Variants in LSM5 observed in about 807,000 individuals in gnomAD.
LSM5 encodes the protein LSM5 homolog, U6 small nuclear RNA and mRNA degradation associated, also known as U6 snRNA-associated Sm-like protein LSm5.
Under a neutral mutation model 13.8 loss-of-function variants are expected in LSM5, and 8 were observed. That is an observed-to-expected ratio of 0.58 (90% CI 0.34 to 1.04). The LOEUF (loss-of-function observed/expected upper bound fraction) is 1.04, where lower values mean the gene tolerates loss of function less well. LSM5 is among the 50% of genes least tolerant of loss of function. The pLI is 0.03. For synonymous variants in LSM5, 35 were observed against 37.0 expected (o/e 0.95, Z 0.20); for missense variants, 80 against 108.1 (o/e 0.74, Z 1.15).
upstream of LSM5, chr7:32,490,573 G>C (rs1786562427): frequency 5.0e-6 from 3 of 598,272 alleles, no homozygotes; most frequent in Non-Finnish European, 9.2e-6. Flanking sequence ...TTACCATCTC[G>C]GCAGATACCC....
At chr7:32,489,473 T>C (rs1786522712) in intron 1 of LSM5, 129 bp from the exon 2 acceptor site, 4 of 638,060 alleles carry the variant, frequency 6.3e-6, no homozygotes, top group African/African-American at 1.9e-5. Flanking sequence ...CTTTAGGTCT[T>C]ATAATACAAA....
At position 32,489,229 on chromosome 7, in the gene LSM5, A is replaced by G; in HGVS notation, c.142+20T>C. 7.9e-7 allele frequency: 1 copy of G among 1,269,826 alleles called. No individual in the cohort carries two copies. Among genetic ancestry groups the G allele is most frequent in the Non-Finnish European group, 1.1e-6 (1 of 873,704 alleles). The allele number at this position is 1,269,826 out of a possible 1,614,324, so 78.7% of individuals were successfully genotyped here. ...TTACTTAAGAAAAACCTATACCACC[A>G]CCACCTTTTAAAAGGATACTGACAA... On this transcript the variant is annotated intron_variant, in intron 2 of 4. Transcript: ENST00000450169.
intron 3 of LSM5, 157 bp downstream of exon 3, chr7:32,488,468 A>T (rs1051510321): frequency 2.5e-5 from 15 of 605,608 alleles, no homozygotes; most frequent in African/African-American, 2.1e-4. Context: ...TAAGGTAATA[A>T]CACTCTGATC....
chr7:32,489,992 C>A, intron 1 of LSM5: 1 of 1,278,342 alleles, frequency 7.8e-7, no homozygotes, highest in Non-Finnish European at 1.0e-6. Flanking sequence ...ATCTGGGGAT[C>A]GTAAACGCCA....
At chr7:32,487,868 G>T in intron 3 of LSM5, 111 bp from the exon 4 acceptor site, 2 of 635,010 alleles carry the variant, frequency 3.1e-6, no homozygotes, top group Non-Finnish European at 5.7e-6. Flanking sequence ...ATTACACTGA[G>T]GTTGAGCAAT....
At chr7:32,489,982 A>C in intron 1 of LSM5, 2 of 1,249,992 alleles carry the variant, frequency 1.6e-6, no homozygotes, top group Non-Finnish European at 2.1e-6. Context: ...GGTCTATCTA[A>C]TCTGGGGATC....
intron 4 of LSM5, 161 bp from the exon 5 acceptor site, chr7:32,487,454 ATACT>A (rs1786475423): frequency 1.5e-6 from 1 of 679,342 alleles, no homozygotes; most frequent in Non-Finnish European, 2.6e-6. Context: ...TCATCAATTA[ATACT>A]TACTATCTCA....
upstream of LSM5, among the ~76,000 whole-genome samples, chr7:32,493,183 CAGG>C (rs1786630286): frequency 6.6e-6 from 1 of 152,142 alleles, no homozygotes; most frequent in Admixed American, 6.5e-5. Flanking sequence ...GTTACCCAGG[CAGG>C]AGTACAGTGG....
rs971959042 is a variant in LSM5 at position 32,486,372 on chromosome 7, C to G, written c.*889G>C. 6.6e-6 allele frequency: 1 copy of G among 152,112 alleles called. No individual in the cohort carries two copies. The highest frequency in any genetic ancestry group is 1.5e-5 in the Non-Finnish European group (1 of 68,022). The allele number at this position is 152,112 out of a possible 1,614,324, so 9.4% of individuals were successfully genotyped here. On this transcript the variant is annotated 3_prime_UTR_variant, in exon 5 of 5. Transcript: ENST00000450169. Reference sequence around the variant, plus strand: ...ATGAGCAAGTAAAATAAAACGTGTACTGAGAGTGGACTGAGAAAGTCTACG... The same window carrying G: ...ATGAGCAAGTAAAATAAAACGTGTAGTGAGAGTGGACTGAGAAAGTCTACG...
intron 3 of LSM5, 27 bp from the exon 4 acceptor site, chr7:32,487,784 G>A: frequency 8.5e-7 from 1 of 1,171,126 alleles, no homozygotes; most frequent in Non-Finnish European, 1.3e-6. Flanking sequence ...AATACAGTCA[G>A]GACAAACAGT....
chr7:32,488,976 C>T (rs147412743), intron 2 of LSM5, among the ~76,000 whole-genome samples: 10 of 152,334 alleles, frequency 6.6e-5, no homozygotes, highest in African/African-American at 2.2e-4. Context: ...CCACCCACCT[C>T]GCCCTCCCAA....
Position 32,490,340 on chromosome 7 carries a change from G to T in LSM5, c.26C>A (p.Pro9Gln), listed in dbSNP as rs770060497. 2 of 1,614,008 alleles carry T rather than the reference G, an allele frequency of 1.2e-6. No individual in the cohort carries two copies. The highest frequency in any genetic ancestry group is 1.7e-6 in the Non-Finnish European group (2 of 1,179,984). Residue 9 changes from proline (P) to glutamine (Q), a missense_variant, in exon 1 of 5, where the codon CCG (proline) becomes CAG (glutamine). By Grantham distance (76) the Pro-to-Gln change is moderately conservative (BLOSUM62 -1). Transcript: ENST00000450169. ...ATTACCTAAGGGCAGCAGCTGCGAC[G>T]GGTTGGTAGTAGCGTTAGCCGCCAT... Reference protein sequence around the residue: MAANATTNPSQLLPLELVD... With the variant: MAANATTNQSQLLPLELVD...
upstream of LSM5, chr7:32,495,082 G>T: frequency 6.6e-6 from 1 of 152,520 alleles, no homozygotes. Context: ...CGGACACTCG[G>T]AGAGTGAACC....
At chr7:32,488,567 GTAGTAAAACTGTCT>G in intron 3 of LSM5, 44 bp downstream of exon 3, 1 of 1,119,904 alleles carries the variant, frequency 8.9e-7, no homozygotes, top group African/African-American at 1.5e-5. Context: ...TTACTCAAAA[GTAGTAAAACTGTCT>G]TTAATTAAGA....
upstream of LSM5, among the ~76,000 whole-genome samples, chr7:32,491,617 CAAGT>C (rs1227981058): frequency 2.6e-5 from 4 of 152,064 alleles, no homozygotes; most frequent in Admixed American, 6.5e-5. Context: ...TGACAATGGG[CAAGT>C]TATTTTAACT....
chr7:32,493,236 C>T (rs1786632144), upstream of LSM5, among the ~76,000 whole-genome samples: 1 of 152,168 alleles, frequency 6.6e-6, no homozygotes, highest in African/African-American at 2.4e-5. Context: ...TCTCAGCCTC[C>T]TGAGAAGCCA....
At chr7:32,494,036 T>C (rs1440206574), upstream of LSM5, among the ~76,000 whole-genome samples, 1 of 151,936 alleles carries the variant, frequency 6.6e-6, no homozygotes, top group Non-Finnish European at 1.5e-5. Context: ...GGTTTTACCA[T>C]GTTGGCCAGG....
chr7:32,492,446 C>T (rs572373545), upstream of LSM5, among the ~76,000 whole-genome samples: 1 of 152,228 alleles, frequency 6.6e-6, no homozygotes, highest in African/African-American at 2.4e-5. Context: ...TCGCTTGAAC[C>T]TGGGAGGCAG....
At chr7:32,490,527 G>A (rs1786561048), upstream of LSM5, 1 of 629,526 alleles carries the variant, frequency 1.6e-6, no homozygotes, top group Non-Finnish European at 2.9e-6. Flanking sequence ...CCCGGCAAGT[G>A]AGATCCGGTG....
Sources: gnomAD v4.1 joint callset for allele counts (sites outside exome capture counted in the v4.1 genomes callset) on GRCh38, gnomAD v4.1.1 for gene constraint, MANE v1.5 for transcripts, NCBI Gene and HGNC (gene_info 2026-07-23, HGNC 2026-07-21) for gene names.